ZNF407: variants seen among roughly 807,000 people sequenced by gnomAD.
ZNF407 encodes the protein zinc finger protein 407.
ZNF407 carries 17 observed loss-of-function variants against 131.2 expected under a neutral mutation model. The ratio of observed to expected loss-of-function variants is 0.13; its 90% CI spans 0.09 to 0.19. The LOEUF is 0.19. ZNF407 is among the 10% of genes least tolerant of loss of function. The pLI is 1.00. For missense variants in ZNF407, 2,681 were observed against 2,830.6 expected, an observed-to-expected ratio of 0.95 and a Z score of 1.20; for synonymous variants, 1,156 against 1,062.0, an observed-to-expected ratio of 1.09 and a Z score of -1.72.
intron 4 of ZNF407, among the ~76,000 whole-genome samples, chr18:74,841,867 G>C (rs1970638458): frequency 6.6e-6 from 1 of 152,154 alleles, no homozygotes; most frequent in South Asian, 2.1e-4. Flanking sequence ...GCGTCATTAG[G>C]AACTATGAAT....
intron 1 of ZNF407, among the ~76,000 whole-genome samples, chr18:74,619,665 A>G (rs1252999349): frequency 6.6e-6 from 1 of 152,234 alleles, no homozygotes; most frequent in Admixed American, 6.5e-5. Context: ...TTTAAACTAA[A>G]TTAAGTAAAG....
chr18:74,793,352 G>A (rs1969861170), intron 4 of ZNF407, among the ~76,000 whole-genome samples: 1 of 152,214 alleles, frequency 6.6e-6, no homozygotes, highest in African/African-American at 2.4e-5. Context: ...AAATTCACAA[G>A]TGTTTATTAC....
chr18:74,779,626 C>T (rs1969557642), intron 3 of ZNF407, among the ~76,000 whole-genome samples: 1 of 152,060 alleles, frequency 6.6e-6, no homozygotes, highest in East Asian at 1.9e-4. Flanking sequence ...ATATTCAGCA[C>T]TAGAGACACT....
chr18:74,806,116 C>G (rs901116079), intron 4 of ZNF407, among the ~76,000 whole-genome samples: 20 of 152,184 alleles, frequency 1.3e-4, no homozygotes, highest in African/African-American at 4.8e-4. Context: ...TGTAGAACTC[C>G]AAGCCATCAC....
In ZNF407 at chr18:74,635,439, G is replaced by T; in HGVS notation, c.4420G>T (p.Ala1474Ser). 2 of 1,613,652 alleles carry T rather than the reference G, an allele frequency of 1.2e-6. No individual in the cohort carries two copies. Among genetic ancestry groups the T allele is most frequent in the Non-Finnish European group, 1.7e-6 (2 of 1,179,714 alleles). Residue 1474 changes from alanine to serine, a missense_variant, in exon 2 of 9, where the codon GCC (alanine) becomes TCC (serine). Physicochemically the swap from Ala to Ser is moderately conservative, Grantham distance 99. Around this residue, in one of 6 missense-constraint regions of ZNF407, gnomAD observed 213 missense variants for 332.2 expected, o/e 0.64. Coordinates refer to ENST00000299687, the MANE Select transcript of ZNF407 (RefSeq NM_017757.3). This position sits in a 1 kb window ranked among gnomAD's most constrained non-coding sequence, Gnocchi z 4.7. ...TGCCGGCCACATGAGAAATGAGCAGGCCAGTGTGGAGGAGCTTCCGGAGGG... is the reference window on the plus strand; with the variant it reads ...TGCCGGCCACATGAGAAATGAGCAGTCCAGTGTGGAGGAGCTTCCGGAGGG... ...ASAGHMRNEQ[A>S]SVEELPEGGA... is the part of the protein sequence containing the mutation.
chr18:74,929,943 A>G (rs571415911), intron 8 of ZNF407, among the ~76,000 whole-genome samples: 3 of 152,356 alleles, frequency 2.0e-5, no homozygotes, highest in Non-Finnish European at 4.4e-5. Context: ...AGAGTTCCAT[A>G]TATCCTTCAC....
intron 4 of ZNF407, among the ~76,000 whole-genome samples, chr18:74,872,889 T>C (rs989799895): frequency 2.0e-5 from 3 of 152,152 alleles, no homozygotes; most frequent in African/African-American, 7.2e-5. Context: ...TATTTTTCAT[T>C]AAGTTTTTAA....
chr18:74,783,147 AC>A (rs1314572396), intron 4 of ZNF407, among the ~76,000 whole-genome samples: 1 of 152,104 alleles, frequency 6.6e-6, no homozygotes, highest in African/African-American at 2.4e-5. Flanking sequence ...TCCTTCTTTG[AC>A]CTTATTAGCA....
At chr18:74,777,219 A>G (rs1969490368) in intron 3 of ZNF407, among the ~76,000 whole-genome samples, 1 of 152,122 alleles carries the variant, frequency 6.6e-6, no homozygotes, top group South Asian at 2.1e-4. Flanking sequence ...TGTTAAAATA[A>G]GATTTTTTTT....
At chr18:74,865,735 A>C (rs1971001474) in intron 4 of ZNF407, among the ~76,000 whole-genome samples, 1 of 152,216 alleles carries the variant, frequency 6.6e-6, no homozygotes, top group Non-Finnish European at 1.5e-5. Flanking sequence ...AAATCTGCAA[A>C]TCTGTTTTGT....
chr18:74,850,847 A>G (rs373171698), intron 4 of ZNF407, among the ~76,000 whole-genome samples: 1 of 152,228 alleles, frequency 6.6e-6, no homozygotes, highest in Admixed American at 6.5e-5. Flanking sequence ...TCGAGAGCAC[A>G]AACTGGGTGT....
Position 74,633,010 on chromosome 18 carries a change from G to A in ZNF407, c.1991G>A (p.Ser664Asn), listed in dbSNP as rs149806516. The A allele has an allele frequency of 1.9e-6, 3 of 1,613,662 alleles. No individual in the cohort carries two copies. The highest frequency in any genetic ancestry group is 1.7e-5 in the Admixed American group (1 of 59,986). Residue 664 changes from serine (S) to asparagine (N), a missense_variant, in exon 2 of 9, where the codon AGT becomes AAT. Physicochemically the swap from Ser to Asn is conservative, Grantham distance 46. This residue lies in a region of ZNF407 where 1,789 missense variants were observed against 1,748.7 expected (regional missense o/e 1.02). Coordinates refer to ENST00000299687, the MANE Select transcript of ZNF407 (RefSeq NM_017757.3). ...TTGGTTTTACAGACTTTACCTTTGA[G>A]TACTTTAGAATCAGAAAACGCAAAA... The part of the protein sequence containing the change: ...SDLVLQTLPL[S>N]TLESENAKES...
At chr18:74,610,731 T>A (rs554398874) in intron 1 of ZNF407, among the ~76,000 whole-genome samples, 91 of 152,066 alleles carry the variant, frequency 6.0e-4, no homozygotes, top group African/African-American at 2.0e-3. Context: ...GCTTTTTTTT[T>A]AAGTAGAGAT....
chr18:74,736,655 A>T (rs1286328228), intron 3 of ZNF407, among the ~76,000 whole-genome samples: 2 of 152,298 alleles, frequency 1.3e-5, no homozygotes, highest in Admixed American at 6.5e-5. Context: ...TGCCAAAAAC[A>T]TGCCTGCCCA....
intron 8 of ZNF407, among the ~76,000 whole-genome samples, chr18:75,056,057 T>C (rs1973558566): frequency 1.3e-5 from 2 of 152,220 alleles, no homozygotes; most frequent in African/African-American, 4.8e-5. Context: ...CTTCAACATA[T>C]TTTTATATGT....
chr18:74,963,100 C>T (rs1972366897), intron 8 of ZNF407, among the ~76,000 whole-genome samples: 2 of 152,092 alleles, frequency 1.3e-5, no homozygotes, highest in Admixed American at 6.6e-5. Context: ...AATCCAATCG[C>T]ACTTTCTTTA....
At chr18:74,929,005 A>G (rs1971948753) in intron 8 of ZNF407, among the ~76,000 whole-genome samples, 1 of 152,324 alleles carries the variant, frequency 6.6e-6, no homozygotes, top group South Asian at 2.1e-4. Context: ...AATGGCATTC[A>G]TAAATTTAAA....
intron 4 of ZNF407, among the ~76,000 whole-genome samples, chr18:74,793,249 A>G (rs1458784990): frequency 6.6e-6 from 1 of 152,182 alleles, no homozygotes. Flanking sequence ...ATAATAACAA[A>G]TATTTTGGAT....
chr18:74,845,351 GAT>G lies in ZNF407; in HGVS notation c.4878-31844_4878-31843del, dbSNP rs1970687845. Reference sequence around the variant, plus strand: ...TTTTGCTGAAAACCAGTAATGGAGAGATAGCGAGAATTAGCTTCTACAACTTT... The same window carrying G: ...TTTTGCTGAAAACCAGTAATGGAGAGAGCGAGAATTAGCTTCTACAACTTT... On this transcript the variant is annotated intron_variant, in intron 4 of 8. Transcript: ENST00000299687. Among the ~76,000 whole-genome samples, 4 of 152,324 alleles carry G rather than the reference GAT, an allele frequency of 2.6e-5. No homozygotes were observed. In the East Asian group the frequency reaches 7.7e-4, roughly 29 times the overall value.
Sources: gnomAD v4.1 joint callset for allele counts (sites outside exome capture counted in the v4.1 genomes callset) on GRCh38, gnomAD v4.1.1 for gene constraint, gnomAD v4.1.1 regional missense constraint, Gnocchi (gnomAD v3.1) non-coding constraint, MANE v1.5 for transcripts, NCBI Gene and HGNC (gene_info 2026-07-23, HGNC 2026-07-21) for gene names.